Variants in FGGY observed in about 807,000 individuals in gnomAD.
FGGY encodes FGGY carbohydrate kinase domain containing.
FGGY carries 72 observed loss-of-function variants against 71.3 expected under a neutral mutation model. The observed-to-expected ratio is 1.01, with a 90% CI of 0.84 to 1.23. The LOEUF is 1.23. Ranked by LOEUF, FGGY falls within the 50% of genes most tolerant of loss-of-function variation. FGGY has a pLI of 0.00. For synonymous variants in FGGY, 251 were observed against 250.3 expected, an observed-to-expected ratio of 1.00 and a Z score of -0.02; for missense variants, 668 against 682.3, an observed-to-expected ratio of 0.98 and a Z score of 0.23.
intron 9 of FGGY, among the ~76,000 whole-genome samples, chr1:59,617,411 TA>T (rs908757758): frequency 5.3e-5 from 8 of 152,180 alleles, no homozygotes; most frequent in South Asian, 2.1e-4. Context: ...TTTGTATTTT[TA>T]AAAAAAATCT....
At position 59,611,870 on chromosome 1, in the gene FGGY, G is replaced by A. The variant is rs572931368; in HGVS notation, c.1011+3960G>A. Among the ~76,000 whole-genome samples, 10 of 152,298 alleles carry A rather than the reference G, an allele frequency of 6.6e-5. No homozygotes were observed. In the East Asian group the frequency reaches 7.7e-4, roughly 12 times the overall value. On this transcript the variant is annotated intron_variant, in intron 9 of 15. Transcript: ENST00000303721. ...GACAAATGCACAAGCCTCAGTAGCC[G>A]ATTTGATCAACTGGAAGAAAAGGTA...
intron 4 of FGGY, among the ~76,000 whole-genome samples, chr1:59,348,575 A>G (rs2052600455): frequency 6.6e-6 from 1 of 152,126 alleles, no homozygotes; most frequent in Non-Finnish European, 1.5e-5. Context: ...CCATCTAATG[A>G]GCATGACCTG....
chr1:59,578,923 C>T (rs1469477955), intron 8 of FGGY, among the ~76,000 whole-genome samples: 1 of 152,058 alleles, frequency 6.6e-6, no homozygotes, highest in African/African-American at 2.4e-5. Flanking sequence ...AGAAGAAAAA[C>T]CTTGACCTTA....
intron 9 of FGGY, among the ~76,000 whole-genome samples, chr1:59,616,335 C>T (rs1262549237): frequency 6.6e-6 from 1 of 152,106 alleles, no homozygotes. Flanking sequence ...TTTGTAGGGA[C>T]ATGGATGAAG....
chr1:59,703,559 A>G (rs1205134236), intron 14 of FGGY, among the ~76,000 whole-genome samples: 1 of 152,202 alleles, frequency 6.6e-6, no homozygotes, highest in African/African-American at 2.4e-5. Context: ...TTTTGAAAGG[A>G]CAAAGAAGCA....
intron 8 of FGGY, among the ~76,000 whole-genome samples, chr1:59,565,066 G>A (rs1256659334): frequency 6.6e-6 from 1 of 152,130 alleles, no homozygotes; most frequent in Non-Finnish European, 1.5e-5. Flanking sequence ...GTGGGATGGG[G>A]GTGGTATATG....
Position 59,409,598 on chromosome 1 carries a change from TTA to T in FGGY, c.554+30786_554+30787del, listed in dbSNP as rs202016801. Among the ~76,000 whole-genome samples, 840 of 105,676 alleles carry T rather than the reference TTA, an allele frequency of 7.9e-3. 8 individuals carry two copies. The highest frequency in any genetic ancestry group is 0.017 in the African/African-American group (561 of 32,598). The allele number at this position is 105,676 out of a possible 152,430, so 69.3% of individuals were successfully genotyped here. On this transcript the variant is annotated intron_variant, in intron 5 of 15. Transcript: ENST00000303721. ...TGCAAGCCTGTGAAGGAAGAGTTTT[TTA>T]TATATATATATATATATATATATAA...
intron 1 of FGGY, among the ~76,000 whole-genome samples, chr1:59,302,716 ATAATT>A (rs535037631): frequency 2.0e-3 from 307 of 152,304 alleles, no homozygotes; most frequent in Middle Eastern, 3.4e-3. Flanking sequence ...AGAAAAAAAA[ATAATT>A]TATTAATATA....
intron 1 of FGGY, among the ~76,000 whole-genome samples, chr1:59,314,486 T>A (rs1030656480): frequency 6.6e-6 from 1 of 152,210 alleles, no homozygotes; most frequent in Non-Finnish European, 1.5e-5. Flanking sequence ...GCTCATTATT[T>A]CCTTTAATCT....
At chr1:59,302,018 T>C (rs1224620989) in intron 1 of FGGY, among the ~76,000 whole-genome samples, 2 of 151,966 alleles carry the variant, frequency 1.3e-5, no homozygotes, top group African/African-American at 4.8e-5. Context: ...ATTACAGGCG[T>C]GAGCCACTGC....
At chr1:59,310,820 G>C (rs1052804239) in intron 1 of FGGY, among the ~76,000 whole-genome samples, 3 of 152,176 alleles carry the variant, frequency 2.0e-5, no homozygotes, top group Non-Finnish European at 4.4e-5. Flanking sequence ...CACATAGAAG[G>C]CTTGCTCATA....
At chr1:59,331,980 A>T (rs962522696) in intron 2 of FGGY, 2 of 152,280 alleles carry the variant, frequency 1.3e-5, no homozygotes, top group Non-Finnish European at 2.9e-5. Context: ...GATTATGTCT[A>T]TGAAGCCCCA....
intron 5 of FGGY, among the ~76,000 whole-genome samples, chr1:59,446,357 T>C (rs776537198): frequency 6.6e-5 from 10 of 152,196 alleles, no homozygotes; most frequent in Non-Finnish European, 1.3e-4. Context: ...GTTTGAATCA[T>C]GTTATCGGCA....
chr1:59,732,373 A>G (rs1170309131), intron 14 of FGGY, among the ~76,000 whole-genome samples: 1 of 152,102 alleles, frequency 6.6e-6, no homozygotes, highest in East Asian at 1.9e-4. Flanking sequence ...TCCTATTTTA[A>G]CTAATTAGAG....
intron 5 of FGGY, among the ~76,000 whole-genome samples, chr1:59,428,130 G>C (rs1041343744): frequency 2.6e-5 from 4 of 152,192 alleles, no homozygotes; most frequent in African/African-American, 9.7e-5. Flanking sequence ...TTCTGCCTCT[G>C]TGGTTTTATG....
intron 12 of FGGY, among the ~76,000 whole-genome samples, chr1:59,662,373 A>G (rs1169636359): frequency 6.6e-6 from 1 of 151,972 alleles, no homozygotes; most frequent in Non-Finnish European, 1.5e-5. Flanking sequence ...TGTGCTAGAT[A>G]CATTACACAC....
At chr1:59,682,858 A>C (rs1195051893) in intron 14 of FGGY, among the ~76,000 whole-genome samples, 3 of 152,200 alleles carry the variant, frequency 2.0e-5, no homozygotes, top group Non-Finnish European at 2.9e-5. Context: ...TTGCTATGAA[A>C]CAAGGAACTT....
chr1:59,364,956 G>T (rs2056322055), intron 4 of FGGY, among the ~76,000 whole-genome samples: 1 of 152,174 alleles, frequency 6.6e-6, no homozygotes, highest in Non-Finnish European at 1.5e-5. Flanking sequence ...TGACTCCTTT[G>T]GTAGAGGTAG....
chr1:59,319,859 G>T (rs2046081790), intron 1 of FGGY, among the ~76,000 whole-genome samples: 1 of 152,196 alleles, frequency 6.6e-6, no homozygotes, highest in Admixed American at 6.5e-5. Flanking sequence ...AGAGGGCCTA[G>T]CAGAGGGACT....
Sources: allele counts gnomAD v4.1 joint callset (sites outside exome capture counted in the v4.1 genomes callset), GRCh38; gene constraint gnomAD v4.1.1; transcripts MANE v1.5; gene names NCBI Gene and HGNC (gene_info 2026-07-23, HGNC 2026-07-21).